The following MAN1A1 variants were observed in gnomAD, a reference collection of about 807,000 sequenced individuals.
MAN1A1 encodes mannosyl-oligosaccharide 1,2-alpha-mannosidase IA.
Under a neutral mutation model 70.8 loss-of-function variants are expected in MAN1A1, and 29 were observed. The ratio of observed to expected loss-of-function variants is 0.41; its 90% CI spans 0.31 to 0.56. The LOEUF is 0.56. Among genes scored for constraint, MAN1A1 ranks in the 20% least tolerant of loss-of-function variants. The probability of loss-of-function intolerance (pLI) is 0.29; values close to 1 mark genes in which losing one functional copy is unlikely to be tolerated. For missense variants in MAN1A1, 747 were observed against 841.3 expected (o/e 0.89, Z 1.39); for synonymous variants, 349 against 330.1 (o/e 1.06, Z -0.62).
chr6:119,184,933 G>A (rs1773247245), intron 11 of MAN1A1, among the ~76,000 whole-genome samples: 1 of 151,902 alleles, frequency 6.6e-6, no homozygotes, highest in Admixed American at 6.6e-5. Context: ...CTGTTGCTCA[G>A]GCTGGCGTGC....
chr6:119,335,129 C>T (rs2114499263), intron 2 of MAN1A1, among the ~76,000 whole-genome samples: 1 of 152,296 alleles, frequency 6.6e-6, no homozygotes, highest in East Asian at 1.9e-4. Context: ...AAAGGGGAGG[C>T]AACAATAGAA....
chr6:119,183,247 T>A (rs575903881), intron 11 of MAN1A1, among the ~76,000 whole-genome samples: 40 of 152,226 alleles, frequency 2.6e-4, no homozygotes, highest in African/African-American at 9.6e-4. Flanking sequence ...ATAAAGAAAA[T>A]GCCTCATGAT....
intron 6 of MAN1A1, among the ~76,000 whole-genome samples, chr6:119,226,310 C>T (rs1481882542): frequency 2.0e-5 from 3 of 152,172 alleles, no homozygotes; most frequent in Non-Finnish European, 4.4e-5. Flanking sequence ...TTGCCTTTCA[C>T]GTTTACACAA....
Position 119,344,439 on chromosome 6 carries a change from T to C in MAN1A1, c.603+4024A>G, listed in dbSNP as rs1773675651. Among the ~76,000 whole-genome samples the C allele has an allele frequency of 2.0e-5, 3 of 152,208 alleles. No individual in the cohort carries two copies. The South Asian group carries it at 6.2e-4, about 32-fold the overall frequency. ...CTACTTGTTAAGGAGAGAAAAACCT[T>C]CACAAACACTCCATGTCCTCCCTGC... is the stretch of plus-strand genomic sequence containing the variant. On this transcript the variant is annotated intron_variant, in intron 2 of 12. Transcript: ENST00000368468.
intron 6 of MAN1A1, among the ~76,000 whole-genome samples, chr6:119,205,701 C>T (rs977953234): frequency 6.6e-6 from 1 of 152,206 alleles, no homozygotes. Flanking sequence ...TGAAGAGCCA[C>T]TTAACACTTC....
intron 4 of MAN1A1, among the ~76,000 whole-genome samples, chr6:119,296,289 C>T (rs1399661755): frequency 6.6e-6 from 1 of 152,222 alleles, no homozygotes; most frequent in East Asian, 1.9e-4. Flanking sequence ...CTGGTTTTAC[C>T]ATGCAGGTCC....
chr6:119,193,740 G>T, intron 9 of MAN1A1, 37 bp downstream of exon 9: 1 of 1,406,476 alleles, frequency 7.1e-7, no homozygotes, highest in Non-Finnish European at 1.0e-6. Context: ...TTATAAGTTA[G>T]GGCTGAGTGG....
intron 4 of MAN1A1, among the ~76,000 whole-genome samples, chr6:119,292,104 T>G (rs1772046915): frequency 1.3e-5 from 2 of 152,074 alleles, no homozygotes; most frequent in South Asian, 4.1e-4. Context: ...CACAGGATAA[T>G]GCACCAAGTC....
At chr6:119,253,110 T>C (rs1775368907) in intron 5 of MAN1A1, among the ~76,000 whole-genome samples, 1 of 152,140 alleles carries the variant, frequency 6.6e-6, no homozygotes, top group Non-Finnish European at 1.5e-5. Flanking sequence ...ATTTCTCGGA[T>C]TGTGATGTGC....
rs570136309 is a variant in MAN1A1 at position 119,348,158 on chromosome 6, C to A, written c.603+305G>T. ...GGTGGGGCGATTAACCGTGTAGCGG[C>A]CAGAGAATGAGGTTTGCGTATTACC... is the stretch of plus-strand genomic sequence containing the variant. On this transcript the variant is annotated intron_variant, in intron 2 of 12. Coordinates refer to ENST00000368468, the MANE Select transcript of MAN1A1 (RefSeq NM_005907.4). Among the ~76,000 whole-genome samples the A allele has an allele frequency of 2.2e-3, 332 of 152,270 alleles. 1 individual carries two copies. Among genetic ancestry groups the A allele is most frequent in the African/African-American group, 7.8e-3 (322 of 41,546 alleles).
rs778987839 is a variant in MAN1A1 at position 119,306,883 on chromosome 6, C to T, written c.700+13G>A. 3 of 1,532,084 alleles carry T rather than the reference C, an allele frequency of 2.0e-6. No individual in the cohort carries two copies. Among genetic ancestry groups the T allele is most frequent in the African/African-American group, 1.4e-5 (1 of 72,894 alleles). 94.9% of individuals were successfully genotyped at this position (1,532,084 alleles called of 1,614,324 possible). ...AGTTATCGTCACTAAGAAACCAAAG[C>T]ACATCTACTCACCAAACAAACTGCT... On this transcript the variant is annotated intron_variant, in intron 3 of 12. Transcript: ENST00000368468.
chr6:119,195,998 T>C (rs1344590143), intron 8 of MAN1A1, among the ~76,000 whole-genome samples: 1 of 152,146 alleles, frequency 6.6e-6, no homozygotes, highest in Non-Finnish European at 1.5e-5. Flanking sequence ...AGGAGACACA[T>C]GCAAGTGATG....
At chr6:119,236,470 G>C (rs115941271) in intron 6 of MAN1A1, among the ~76,000 whole-genome samples, 6,970 of 152,170 alleles carry the variant, frequency 0.046, 189 homozygotes, top group Middle Eastern at 0.078. Context: ...CACATAGGAA[G>C]GCTGAGGCAG....
In MAN1A1 at chr6:119,201,354, T is replaced by C. The variant is rs749737020; in HGVS notation, c.1117-7A>G. 6.3e-6 allele frequency: 10 copies of C among 1,579,406 alleles called. No homozygotes were observed. In the East Asian group the frequency reaches 9.0e-5, roughly 14 times the overall value. ...CTGTTCGAATATTCATTACCTATAA[T>C]AGAAAATAAAATGTTACCGTGAAAA... On this transcript the variant is annotated splice_polypyrimidine_tract_variant and splice_region_variant and intron_variant, in intron 7 of 12. Transcript: ENST00000368468.
intron 6 of MAN1A1, among the ~76,000 whole-genome samples, chr6:119,237,184 C>T (rs1392000127): frequency 6.6e-6 from 1 of 152,118 alleles, no homozygotes; most frequent in East Asian, 1.9e-4. Context: ...GTTGAAATGA[C>T]AACAAAGGAT....
At chr6:119,275,588 G>T (rs1303615326) in intron 5 of MAN1A1, among the ~76,000 whole-genome samples, 1 of 139,872 alleles carries the variant, frequency 7.1e-6, no homozygotes, top group Admixed American at 6.8e-5. Flanking sequence ...TTACAGGCGT[G>T]AGCCACCGCG....
At chr6:119,185,847 T>A (rs1359394403) in intron 11 of MAN1A1, among the ~76,000 whole-genome samples, 8 of 145,760 alleles carry the variant, frequency 5.5e-5, no homozygotes, top group Admixed American at 2.0e-4. Context: ...CCTCCCAGTT[T>A]TTTTTTTTTT....
intron 11 of MAN1A1, among the ~76,000 whole-genome samples, chr6:119,187,887 T>C (rs929714812): frequency 6.6e-6 from 1 of 152,214 alleles, no homozygotes; most frequent in Non-Finnish European, 1.5e-5. Flanking sequence ...ACTGGGCAGA[T>C]GGAAAGCTTA....
At chr6:119,254,421 A>G (rs2114337641) in intron 5 of MAN1A1, among the ~76,000 whole-genome samples, 1 of 152,352 alleles carries the variant, frequency 6.6e-6, no homozygotes, top group Admixed American at 6.5e-5. Flanking sequence ...TGGAAAAATA[A>G]GTACTCAGAA....
Sources: allele counts gnomAD v4.1 joint callset (sites outside exome capture counted in the v4.1 genomes callset), GRCh38; gene constraint gnomAD v4.1.1; transcripts MANE v1.5; gene names NCBI Gene and HGNC (gene_info 2026-07-23, HGNC 2026-07-21).